Variants in WBP2NL observed in about 807,000 individuals in gnomAD.
WBP2NL encodes the protein WBP2 N-terminal like.
WBP2NL carries 27 observed loss-of-function variants against 23.3 expected under a neutral mutation model. The ratio of observed to expected loss-of-function variants is 1.16; its 90% confidence interval spans 0.85 to 1.60. The LOEUF is 1.60. WBP2NL is among the 40% of genes most tolerant of loss of function. The probability of loss-of-function intolerance (pLI) is 0.00; values close to 1 mark genes in which losing one functional copy is unlikely to be tolerated. For missense variants in WBP2NL, 370 were observed against 389.5 expected (o/e 0.95, Z 0.42); for synonymous variants, 151 against 145.9 (o/e 1.03, Z -0.25).
intron 8 of WBP2NL, among the ~76,000 whole-genome samples, chr22:42,038,175 T>C (rs1055849389): frequency 6.6e-6 from 1 of 152,240 alleles, no homozygotes; most frequent in African/African-American, 2.4e-5. Flanking sequence ...TGTTGAGTCT[T>C]TATCATGAAA....
intron 8 of WBP2NL, among the ~76,000 whole-genome samples, chr22:42,050,152 C>CA (rs761339931): frequency 3.3e-5 from 5 of 151,890 alleles, no homozygotes; most frequent in Admixed American, 3.3e-4. Flanking sequence ...CCTGTCTCTA[C>CA]AAAAAACTAC....
chr22:42,031,700 T>G (rs1924956861), downstream of WBP2NL: 1 of 142,698 alleles, frequency 7.0e-6, no homozygotes, highest in Admixed American at 7.0e-5. Context: ...CCTCTTTTTG[T>G]TTTTTTTTTT....
chr22:42,035,228 C>T (rs1211762199), downstream of WBP2NL, among the ~76,000 whole-genome samples: 3 of 152,280 alleles, frequency 2.0e-5, no homozygotes, highest in Non-Finnish European at 4.4e-5. Flanking sequence ...GTCATGACTT[C>T]AGCCGGTCCC....
At chr22:42,033,676 C>T (rs1252816835), downstream of WBP2NL, among the ~76,000 whole-genome samples, 2 of 151,976 alleles carry the variant, frequency 1.3e-5, no homozygotes, top group African/African-American at 4.8e-5. Flanking sequence ...GAGAGGAGGC[C>T]CTGGAGTGGG....
At chr22:42,049,064 C>G (rs1044043972) in intron 8 of WBP2NL, among the ~76,000 whole-genome samples, 1 of 152,148 alleles carries the variant, frequency 6.6e-6, no homozygotes, top group Admixed American at 6.5e-5. Flanking sequence ...ATGACCAACA[C>G]AATACTGAAA....
chr22:42,030,467 A>T (rs1167638597), downstream of WBP2NL: 1 of 152,250 alleles, frequency 6.6e-6, no homozygotes, highest in Non-Finnish European at 1.5e-5. Context: ...AATTACTGGG[A>T]TAGAGTTATG....
intron 1 of WBP2NL, among the ~76,000 whole-genome samples, chr22:42,015,366 G>C (rs1396404505): frequency 3.9e-5 from 6 of 152,114 alleles, no homozygotes. Context: ...CAGCCAGGCA[G>C]TTTACAACTC....
downstream of WBP2NL, among the ~76,000 whole-genome samples, chr22:42,037,601 T>C (rs1925233729): frequency 6.6e-6 from 1 of 152,150 alleles, no homozygotes; most frequent in Non-Finnish European, 1.5e-5. Flanking sequence ...TTTCCACTTA[T>C]TTGTGTTTTT....
At chr22:42,022,198 A>T in intron 4 of WBP2NL, 51 bp from the exon 5 acceptor site, 1 of 1,414,112 alleles carries the variant, frequency 7.1e-7, no homozygotes, top group Non-Finnish European at 1.0e-6. Flanking sequence ...TATCTGCTAT[A>T]TATCTGACTT....
In WBP2NL at chr22:42,045,209, C is replaced by T. The variant is rs10428005; in HGVS notation, c.*274-13081C>T. ...ATCCCAGCACTTTGGGAGTCCGAGG[C>T]GGGCGGATCACGAGGTCAGGAGATC... is the stretch of plus-strand genomic sequence containing the variant. On this transcript the variant is annotated intron_variant and NMD_transcript_variant, in intron 8 of 8. Coordinates refer to the WBP2NL transcript ENST00000436265. Among the ~76,000 whole-genome samples the T allele has an allele frequency of 0.019, 2,816 of 152,090 alleles. 639 individuals are homozygous for T. The East Asian group carries it at 0.49, about 27-fold the overall frequency.
intron 1 of WBP2NL, among the ~76,000 whole-genome samples, chr22:42,010,877 G>A (rs190346391): frequency 6.6e-6 from 1 of 152,256 alleles, no homozygotes; most frequent in Non-Finnish European, 1.5e-5. Flanking sequence ...TTTCTGCATC[G>A]ATTGTGATGA....
chr22:42,016,545 T>A (rs1923326740), intron 1 of WBP2NL, among the ~76,000 whole-genome samples: 1 of 152,226 alleles, frequency 6.6e-6, no homozygotes. Flanking sequence ...TTACTGAGAT[T>A]TGGCTTTTTA....
intron 1 of WBP2NL, among the ~76,000 whole-genome samples, chr22:42,017,217 G>C (rs567651272): frequency 1.3e-5 from 2 of 152,138 alleles, no homozygotes; most frequent in African/African-American, 2.4e-5. Flanking sequence ...CATGGCTCAA[G>C]CAATCTTCCC....
At chr22:42,040,440 C>T (rs1351894891) in intron 8 of WBP2NL, among the ~76,000 whole-genome samples, 1 of 152,130 alleles carries the variant, frequency 6.6e-6, no homozygotes, top group African/African-American at 2.4e-5. Context: ...CCAGGCTAGT[C>T]TTGAACTCCT....
chr22:42,004,021 C>A (rs1180938927), intron 1 of WBP2NL, among the ~76,000 whole-genome samples: 2 of 152,208 alleles, frequency 1.3e-5, no homozygotes, highest in East Asian at 3.9e-4. Flanking sequence ...CCTGCAGTCC[C>A]AGTACTTTGG....
chr22:42,037,039 G>A (rs541199051), downstream of WBP2NL, among the ~76,000 whole-genome samples: 12 of 151,882 alleles, frequency 7.9e-5, no homozygotes, highest in Admixed American at 6.6e-4. Flanking sequence ...TGTTTTCTTC[G>A]AGGAATTTTG....
Position 42,027,188 on chromosome 22 carries a change from A to G in WBP2NL, c.*7A>G, listed in dbSNP as rs746402128. On this transcript the variant is annotated 3_prime_UTR_variant, in exon 6 of 6. Transcript: ENST00000328823. ...TTCTCAGGTCCATTCTTAACCTTCT[A>G]AGATGTAAACCTTGAAGACTCACCA... 1 of 1,598,862 alleles carries G rather than the reference A, an allele frequency of 6.3e-7. No homozygotes were observed. The highest frequency in any genetic ancestry group is 8.5e-7 in the Non-Finnish European group (1 of 1,173,612).
downstream of WBP2NL, among the ~76,000 whole-genome samples, chr22:42,034,168 A>G (rs563183256): frequency 2.6e-5 from 4 of 152,336 alleles, no homozygotes; most frequent in African/African-American, 7.2e-5. Flanking sequence ...GAGATCAGAG[A>G]AGGCAGGGAG....
chr22:42,056,327 G>A (rs1926027222), intron 8 of WBP2NL, among the ~76,000 whole-genome samples: 2 of 152,042 alleles, frequency 1.3e-5, no homozygotes, highest in Admixed American at 1.3e-4. Flanking sequence ...TGCTGTTATT[G>A]TTACAAATGA....
Sources: gnomAD v4.1 joint callset for allele counts (sites outside exome capture counted in the v4.1 genomes callset) on GRCh38, gnomAD v4.1.1 for gene constraint, MANE v1.5 for transcripts, NCBI Gene and HGNC (gene_info 2026-07-23, HGNC 2026-07-21) for gene names.